Variants in CELF4 observed in about 807,000 individuals in gnomAD.
CELF4 encodes CUGBP Elav-like family member 4.
In CELF4, 18 loss-of-function variants were observed where a neutral mutation model predicts 59.9. That is an observed-to-expected ratio of 0.30 (90% CI 0.21 to 0.45). The LOEUF is 0.45. Among genes scored for constraint, CELF4 ranks in the 20% least tolerant of loss-of-function variants. CELF4 has a pLI of 1.00. For synonymous variants in CELF4, 261 were observed against 267.1 expected, an observed-to-expected ratio of 0.98 and a Z score of 0.22; for missense variants, 456 against 689.0, an observed-to-expected ratio of 0.66 and a Z score of 3.79.
chr18:37,406,614 C>T (rs1337322372), intron 2 of CELF4, among the ~76,000 whole-genome samples: 1 of 152,152 alleles, frequency 6.6e-6, no homozygotes, highest in Non-Finnish European at 1.5e-5. Flanking sequence ...ATATACCTGA[C>T]CCATTTGTTA....
At position 37,254,088 on chromosome 18, in the gene CELF4, T is replaced by A; in HGVS notation, c.1334-150A>T. ...CCGGCCCCGCCCCGGTGCCCGCCCC[T>A]CTCCAGCCCGCGCGCGCGTGCTAGG... On this transcript the variant is annotated intron_variant, in intron 11 of 12. Coordinates refer to ENST00000420428, the MANE Select transcript of CELF4 (RefSeq NM_020180.4). The surrounding 1 kb of genome is among the most constrained non-coding windows in gnomAD (Gnocchi z 5.1). 1 of 418,304 alleles carries A rather than the reference T, an allele frequency of 2.4e-6. No individual in the cohort carries two copies. The highest frequency in any genetic ancestry group is 3.5e-6 in the Non-Finnish European group (1 of 284,454). 25.9% of individuals were successfully genotyped at this position (418,304 alleles called of 1,614,324 possible).
intron 1 of CELF4, among the ~76,000 whole-genome samples, chr18:37,487,903 C>G (rs56325404): frequency 5.3e-5 from 8 of 152,072 alleles, no homozygotes; most frequent in Non-Finnish European, 1.0e-4. Flanking sequence ...AGAGAGCTCA[C>G]AACTTTATTG....
chr18:37,561,798 C>T (rs890668721), intron 1 of CELF4, among the ~76,000 whole-genome samples: 1 of 152,214 alleles, frequency 6.6e-6, no homozygotes, highest in African/African-American at 2.4e-5. Context: ...AATTGGCCCT[C>T]AGCTCATTTC....
intron 3 of CELF4, chr18:37,305,284 G>A (rs371798037): frequency 1.3e-4 from 20 of 152,056 alleles, no homozygotes; most frequent in African/African-American, 3.9e-4. Context: ...CAGCATTCGC[G>A]GGGGCTTGGG....
intron 2 of CELF4, among the ~76,000 whole-genome samples, chr18:37,478,043 T>C (rs1301533263): frequency 6.6e-6 from 1 of 152,224 alleles, no homozygotes; most frequent in East Asian, 1.9e-4. Flanking sequence ...ACCCACGCTT[T>C]ATTATACTTG....
intron 6 of CELF4, 139 bp downstream of exon 6, chr18:37,274,172 A>T (rs2092509432): frequency 6.7e-7 from 1 of 1,489,578 alleles, no homozygotes; most frequent in Admixed American, 2.4e-5. Flanking sequence ...CCCCAGGTTC[A>T]TGGGTTCATT....
At chr18:37,428,929 C>A (rs1274734739) in intron 2 of CELF4, among the ~76,000 whole-genome samples, 1 of 152,190 alleles carries the variant, frequency 6.6e-6, no homozygotes, top group Non-Finnish European at 1.5e-5. Context: ...AACCCAGTGA[C>A]CCTTCGAGGG....
intron 2 of CELF4, among the ~76,000 whole-genome samples, chr18:37,413,801 T>C (rs1400978010): frequency 6.6e-6 from 1 of 152,228 alleles, no homozygotes; most frequent in African/African-American, 2.4e-5. Flanking sequence ...TTATGTGCAG[T>C]GCCCTCTGGT....
At chr18:37,507,112 C>T (rs140098439) in intron 1 of CELF4, among the ~76,000 whole-genome samples, 4 of 152,170 alleles carry the variant, frequency 2.6e-5, no homozygotes, top group Non-Finnish European at 5.9e-5. Context: ...CTTGCCTTCC[C>T]TACCCTGCTG....
At position 37,362,105 on chromosome 18, in the gene CELF4, G is replaced by C. The variant is rs72885344; in HGVS notation, c.370-40224C>G. 6.5e-4 allele frequency among the ~76,000 whole-genome samples: 99 copies of C among 152,196 alleles called. No homozygotes were observed. The Middle Eastern group carries it at 0.01, about 16-fold the overall frequency. ...AATGAGCAAAGGGCCCAGGGCAGAT[G>C]AGGGGAGGAGGCCTGGCCACATCCC... On this transcript the variant is annotated intron_variant, in intron 2 of 12. Coordinates refer to ENST00000420428, the MANE Select transcript of CELF4 (RefSeq NM_020180.4).
At chr18:37,379,860 A>C (rs2154568857) in intron 2 of CELF4, among the ~76,000 whole-genome samples, 1 of 152,170 alleles carries the variant, frequency 6.6e-6, no homozygotes, top group Non-Finnish European at 1.5e-5. Flanking sequence ...TGTTGGAGAG[A>C]GGCAGAGGGG....
chr18:37,397,652 G>A (rs551634511), intron 2 of CELF4, among the ~76,000 whole-genome samples: 2 of 152,314 alleles, frequency 1.3e-5, no homozygotes, highest in African/African-American at 2.4e-5. Flanking sequence ...CCAGGCCCAG[G>A]GTGGGCAAAC....
rs972211594 is a variant in CELF4 at position 37,349,606 on chromosome 18, C to T, written c.370-27725G>A. Among the ~76,000 whole-genome samples, 4 of 152,166 alleles carry T rather than the reference C, an allele frequency of 2.6e-5. No homozygotes were observed. In the East Asian group the frequency reaches 5.8e-4, roughly 22 times the overall value. On this transcript the variant is annotated intron_variant, in intron 2 of 12. Coordinates refer to ENST00000420428, the MANE Select transcript of CELF4 (RefSeq NM_020180.4). ...AAGGACAGGCAGCCCCTGTGCCAAG[C>T]GCTAGGGTGTATCTGAATAAGACAC...
chr18:37,268,556 A>T (rs962518686), intron 8 of CELF4, among the ~76,000 whole-genome samples: 3 of 152,234 alleles, frequency 2.0e-5, no homozygotes, highest in African/African-American at 7.2e-5. Flanking sequence ...CAGGAACATC[A>T]TAAGCATCTG....
chr18:37,520,069 A>G (rs1166434528), intron 1 of CELF4, among the ~76,000 whole-genome samples: 1 of 152,134 alleles, frequency 6.6e-6, no homozygotes, highest in Non-Finnish European at 1.5e-5. Context: ...GCATTACCCA[A>G]GCAAGGCGGG....
intron 1 of CELF4, among the ~76,000 whole-genome samples, chr18:37,557,947 T>TA (rs561638286): frequency 1.1e-3 from 169 of 150,480 alleles, no homozygotes; most frequent in Middle Eastern, 7.1e-3. Context: ...GTGGAACAAG[T>TA]AGAAGGGGAG....
intron 2 of CELF4, among the ~76,000 whole-genome samples, chr18:37,445,020 T>C (rs1179603820): frequency 6.6e-6 from 1 of 152,062 alleles, no homozygotes; most frequent in Non-Finnish European, 1.5e-5. Flanking sequence ...GTGGGGCTGC[T>C]CGGAAAGGAG....
chr18:37,514,199 C>G (rs1057102382), intron 1 of CELF4, among the ~76,000 whole-genome samples: 2 of 152,138 alleles, frequency 1.3e-5, no homozygotes, highest in Non-Finnish European at 2.9e-5. Context: ...CTCTCTGGCC[C>G]TGGTGTTCAA....
intron 1 of CELF4, among the ~76,000 whole-genome samples, chr18:37,536,738 C>T (rs1462870997): frequency 1.3e-5 from 2 of 152,200 alleles, no homozygotes; most frequent in Admixed American, 1.3e-4. Context: ...CTCCCTCCCA[C>T]ACTCCGCCAT....
Sources: gnomAD v4.1 joint callset for allele counts (sites outside exome capture counted in the v4.1 genomes callset) on GRCh38, gnomAD v4.1.1 for gene constraint, Gnocchi (gnomAD v3.1) non-coding constraint, MANE v1.5 for transcripts, NCBI Gene and HGNC (gene_info 2026-07-23, HGNC 2026-07-21) for gene names.